Variants in PLCB1 observed in about 807,000 individuals in gnomAD.
PLCB1 encodes the protein 1-phosphatidylinositol 4,5-bisphosphate phosphodiesterase beta-1.
Under a neutral mutation model 161.8 loss-of-function variants are expected in PLCB1, and 46 were observed. The observed-to-expected ratio is 0.28, with a 90% confidence interval of 0.22 to 0.36. The LOEUF (loss-of-function observed/expected upper bound fraction) is 0.36, where lower values mean the gene tolerates loss of function less well. PLCB1 is among the 10% of genes least tolerant of loss of function. PLCB1 has a pLI of 1.00. For synonymous variants in PLCB1, 517 were observed against 503.7 expected, an observed-to-expected ratio of 1.03 and a Z score of -0.35; for missense variants, 1,016 against 1,472.5, an observed-to-expected ratio of 0.69 and a Z score of 5.07.
intron 31 of PLCB1, among the ~76,000 whole-genome samples, chr20:8,858,348 C>CT (rs1488505026): frequency 6.6e-6 from 1 of 152,186 alleles, no homozygotes; most frequent in Non-Finnish European, 1.5e-5. Flanking sequence ...CTCAGGAAAT[C>CT]TAAATTGTTC....
At chr20:8,722,157 T>A (rs546492836) in intron 14 of PLCB1, among the ~76,000 whole-genome samples, 197 bp from the exon 15 acceptor site, 1 of 29,408 alleles carries the variant, frequency 3.4e-5, no homozygotes, top group South Asian at 1.6e-3. Flanking sequence ...CAAATCCAGT[T>A]TAGGAAAAAA....
chr20:8,781,977 G>A (rs998134521), intron 27 of PLCB1, among the ~76,000 whole-genome samples: 2 of 152,068 alleles, frequency 1.3e-5, no homozygotes, highest in African/African-American at 4.8e-5. Context: ...ACCATGTCAG[G>A]TGGCAACTCC....
intron 2 of PLCB1, among the ~76,000 whole-genome samples, chr20:8,302,724 A>G (rs1227331341): frequency 1.3e-5 from 2 of 152,088 alleles, no homozygotes; most frequent in African/African-American, 2.4e-5. Context: ...AATTTTTTTA[A>G]TTTTATTTTT....
intron 3 of PLCB1, among the ~76,000 whole-genome samples, chr20:8,571,609 A>G (rs1986520729): frequency 6.6e-6 from 1 of 152,202 alleles, no homozygotes; most frequent in African/African-American, 2.4e-5. Flanking sequence ...CTTGAACTAA[A>G]GAGTAATAGA....
chr20:8,540,232 T>A (rs1985254506), intron 3 of PLCB1, among the ~76,000 whole-genome samples: 1 of 152,200 alleles, frequency 6.6e-6, no homozygotes, highest in African/African-American at 2.4e-5. Context: ...TGGTGCCTGA[T>A]GAATGAGCTA....
At chr20:8,297,065 C>T (rs571749093) in intron 2 of PLCB1, among the ~76,000 whole-genome samples, 1 of 151,946 alleles carries the variant, frequency 6.6e-6, no homozygotes, top group South Asian at 2.1e-4. Context: ...CAAACACATG[C>T]ATACACACAC....
intron 3 of PLCB1, among the ~76,000 whole-genome samples, chr20:8,593,906 G>A (rs1987238055): frequency 6.6e-6 from 1 of 151,806 alleles, no homozygotes; most frequent in South Asian, 2.1e-4. Context: ...TATTTTAGAG[G>A]CAGAATCTTG....
intron 3 of PLCB1, among the ~76,000 whole-genome samples, chr20:8,462,380 A>G (rs1403286326): frequency 6.6e-6 from 1 of 152,186 alleles, no homozygotes. Flanking sequence ...TGATTTATGT[A>G]TAGGTTGAAC....
At chr20:8,648,459 GAGC>G (rs1989225607) in intron 6 of PLCB1, among the ~76,000 whole-genome samples, 3 of 152,164 alleles carry the variant, frequency 2.0e-5, no homozygotes, top group Admixed American at 2.0e-4. Flanking sequence ...TGGGACTGGT[GAGC>G]ACCTGACACT....
intron 2 of PLCB1, among the ~76,000 whole-genome samples, chr20:8,272,649 G>T (rs1044696403): frequency 6.6e-6 from 1 of 152,106 alleles, no homozygotes; most frequent in East Asian, 1.9e-4. Flanking sequence ...TTCCCAGGTT[G>T]TTTTCTCCTA....
chr20:8,494,185 A>C (rs1983066002), intron 3 of PLCB1, among the ~76,000 whole-genome samples: 1 of 152,230 alleles, frequency 6.6e-6, no homozygotes, highest in African/African-American at 2.4e-5. Context: ...AAAGGAATTA[A>C]AAAGTAGTGT....
At chr20:8,610,899 G>A (rs1490356426) in intron 3 of PLCB1, among the ~76,000 whole-genome samples, 1 of 151,410 alleles carries the variant, frequency 6.6e-6, no homozygotes, top group African/African-American at 2.4e-5. Context: ...GTGAGGTAAG[G>A]GTCCAAGCTC....
At chr20:8,392,923 A>G (rs1348818935) in intron 3 of PLCB1, among the ~76,000 whole-genome samples, 2 of 152,208 alleles carry the variant, frequency 1.3e-5, no homozygotes, top group Admixed American at 6.5e-5. Context: ...AAAAGTGGCA[A>G]TTAAGATAGT....
At chr20:8,821,780 C>A (rs6056166) in intron 31 of PLCB1, among the ~76,000 whole-genome samples, 4,014 of 151,910 alleles carry the variant, frequency 0.026, 166 homozygotes, top group African/African-American at 0.092. Context: ...GTGTCAAGTC[C>A]TACCTTCTCA....
chr20:8,235,940 A>G (rs1980296083), intron 2 of PLCB1, among the ~76,000 whole-genome samples: 1 of 152,128 alleles, frequency 6.6e-6, no homozygotes, highest in Non-Finnish European at 1.5e-5. Flanking sequence ...AGGCAATCCA[A>G]AGTAGTTTTA....
intron 3 of PLCB1, among the ~76,000 whole-genome samples, chr20:8,381,735 G>C (rs1177090993): frequency 6.6e-6 from 1 of 152,162 alleles, no homozygotes; most frequent in Admixed American, 6.5e-5. Flanking sequence ...TCGCATAGAG[G>C]TGTTTATAGT....
intron 31 of PLCB1, among the ~76,000 whole-genome samples, chr20:8,858,258 T>C (rs6108202): frequency 0.028 from 4,280 of 152,266 alleles, 91 homozygotes; most frequent in Non-Finnish European, 0.039. Context: ...ACAAGCAGTT[T>C]TGGTAATGCG....
At chr20:8,880,860 C>CT (rs55682849) in intron 31 of PLCB1, 16,426 of 99,888 alleles carry the variant, frequency 0.16, 1,956 homozygotes, top group East Asian at 0.32. Flanking sequence ...TTCTTTCTTT[C>CT]TTTTTTTTTT....
chr20:8,291,782 A>G (rs1362004597), intron 2 of PLCB1, among the ~76,000 whole-genome samples: 1 of 152,144 alleles, frequency 6.6e-6, no homozygotes, highest in African/African-American at 2.4e-5. Context: ...CATTTTACAG[A>G]TGGGGAAGTT....
Sources: gnomAD v4.1 joint callset for allele counts (sites outside exome capture counted in the v4.1 genomes callset) on GRCh38, gnomAD v4.1.1 for gene constraint, MANE v1.5 for transcripts, NCBI Gene and HGNC (gene_info 2026-07-23, HGNC 2026-07-21) for gene names.